The following ADAMTS2 variants were observed in gnomAD, a reference collection of about 807,000 sequenced individuals.
The protein encoded by ADAMTS2 is ADAM metallopeptidase with thrombospondin type 1 motif 2.
In ADAMTS2, 50 loss-of-function variants were observed where a neutral mutation model predicts 123.0. That is an observed-to-expected ratio of 0.41 (90% CI 0.32 to 0.51). The LOEUF is 0.51. Ranked by LOEUF, ADAMTS2 falls within the 20% of genes least tolerant of loss-of-function variation. The probability of loss-of-function intolerance (pLI) is 0.35; values close to 1 mark genes in which losing one functional copy is unlikely to be tolerated. For missense variants in ADAMTS2, 1,494 were observed against 1,705.2 expected (o/e 0.88, Z 2.18); for synonymous variants, 678 against 695.4 (o/e 0.98, Z 0.39).
In ADAMTS2 at chr5:179,308,278, A is replaced by G. The variant is rs1756731131; in HGVS notation, c.535-35214T>C. Among the ~76,000 whole-genome samples the G allele has an allele frequency of 6.6e-6, 1 of 152,200 alleles. No individual in the cohort carries two copies. Among genetic ancestry groups the G allele is most frequent in the Non-Finnish European group, 1.5e-5 (1 of 68,036 alleles). On this transcript the variant is annotated intron_variant, in intron 2 of 21. Transcript: ENST00000251582. The surrounding 1 kb of genome is among the most constrained non-coding windows in gnomAD (Gnocchi z 6.6). ...CTGACACAATTGTCTTAGCAGCAGG[A>G]GACGCTGATGGGATGTCGGGAGTCA...
intron 2 of ADAMTS2, among the ~76,000 whole-genome samples, chr5:179,283,985 A>G (rs1396947408): frequency 6.8e-6 from 1 of 147,418 alleles, no homozygotes; most frequent in African/African-American, 2.5e-5. Context: ...TATTATTATT[A>G]TTATTTTGGA....
In ADAMTS2 at chr5:179,272,817, C is replaced by T; in HGVS notation, c.688+94G>A. ...GCTCAGCCTCAGCAGCCAAGCTGGTCTGTGGAGAGCTGCCTGAGTCTCTGG... is the reference window on the plus strand; with the variant it reads ...GCTCAGCCTCAGCAGCCAAGCTGGTTTGTGGAGAGCTGCCTGAGTCTCTGG... On this transcript the variant is annotated intron_variant, in intron 3 of 21. Coordinates refer to ENST00000251582, the MANE Select transcript of ADAMTS2 (RefSeq NM_014244.5). This position sits in a 1 kb window ranked among gnomAD's most constrained non-coding sequence, Gnocchi z 5.8. The T allele has an allele frequency of 6.7e-7, 1 of 1,485,862 alleles. No individual in the cohort carries two copies. The highest frequency in any genetic ancestry group is 9.0e-7 in the Non-Finnish European group (1 of 1,105,278). The allele number at this position is 1,485,862 out of a possible 1,614,324, so 92.0% of individuals were successfully genotyped here. A position where few individuals can be genotyped will look rare whatever the true frequency, so the allele number is the denominator to read the frequency against.
At chr5:179,250,714 G>A (rs1581220311) in intron 3 of ADAMTS2, among the ~76,000 whole-genome samples, 1 of 152,362 alleles carries the variant, frequency 6.6e-6, no homozygotes, top group South Asian at 2.1e-4. Context: ...AGGCCACTGG[G>A]TTGGTCATGC....
chr5:179,313,972 ACACT>A (rs374060361), intron 2 of ADAMTS2, among the ~76,000 whole-genome samples: 1,277 of 57,408 alleles, frequency 0.022, 141 homozygotes, highest in African/African-American at 0.074. Context: ...GTGCACACAC[ACACT>A]CACACCGAGA....
intron 4 of ADAMTS2, among the ~76,000 whole-genome samples, chr5:179,196,745 C>G (rs746212286): frequency 3.3e-5 from 5 of 152,206 alleles, no homozygotes; most frequent in African/African-American, 9.6e-5. Flanking sequence ...TTCTGCACAG[C>G]CTGGTAGCAA....
chr5:179,164,099 C>T (rs1315132927), intron 5 of ADAMTS2, among the ~76,000 whole-genome samples: 1 of 152,202 alleles, frequency 6.6e-6, no homozygotes, highest in East Asian at 1.9e-4. Flanking sequence ...CCCCAGGACT[C>T]AACCTGCCAC....
At chr5:179,283,991 T>A (rs1383267386) in intron 2 of ADAMTS2, among the ~76,000 whole-genome samples, 1 of 114,218 alleles carries the variant, frequency 8.8e-6, no homozygotes, top group Non-Finnish European at 1.9e-5. Flanking sequence ...TATTATTATT[T>A]TGGAGACTCC....
At chr5:179,199,007 A>G (rs543308708) in intron 4 of ADAMTS2, among the ~76,000 whole-genome samples, 1 of 152,202 alleles carries the variant, frequency 6.6e-6, no homozygotes, top group East Asian at 1.9e-4. Flanking sequence ...AAGGCCACAG[A>G]GAACGGGAGT....
chr5:179,217,793 C>T (rs465242), intron 3 of ADAMTS2, among the ~76,000 whole-genome samples: 20 of 86,462 alleles, frequency 2.3e-4, no homozygotes, highest in African/African-American at 6.5e-4. Flanking sequence ...GGGGATGGCG[C>T]AAGGGGGGGA....
At position 179,314,766 on chromosome 5, in the gene ADAMTS2, C is replaced by T. The variant is rs549996287; in HGVS notation, c.534+29001G>A. Among the ~76,000 whole-genome samples the T allele has an allele frequency of 6.6e-6, 1 of 152,252 alleles. No homozygotes were observed. The highest frequency in any genetic ancestry group is 1.9e-4 in the East Asian group (1 of 5,162). On this transcript the variant is annotated intron_variant, in intron 2 of 21. Coordinates refer to ENST00000251582, the MANE Select transcript of ADAMTS2 (RefSeq NM_014244.5). This position sits in a 1 kb window ranked among gnomAD's most constrained non-coding sequence, Gnocchi z 4.5. ...TGGGGCTCCTGTCCCCCGCCAGTGCCCCCAACCTCTACTCCAGCAGACCTC... is the reference window on the plus strand; with the variant it reads ...TGGGGCTCCTGTCCCCCGCCAGTGCTCCCAACCTCTACTCCAGCAGACCTC...
chr5:179,124,911 A>T, intron 19 of ADAMTS2, 62 bp downstream of exon 19: 1 of 1,588,100 alleles, frequency 6.3e-7, no homozygotes, highest in Non-Finnish European at 8.5e-7. Flanking sequence ...CACGGAGCGC[A>T]CCTGCATGCC....
chr5:179,264,202 C>G (rs917912187), intron 3 of ADAMTS2, among the ~76,000 whole-genome samples: 2 of 152,192 alleles, frequency 1.3e-5, no homozygotes, highest in African/African-American at 4.8e-5. Flanking sequence ...CCCCAAGAGG[C>G]CTCTGTCTAG....
At chr5:179,315,989 T>G (rs1756979334) in intron 2 of ADAMTS2, among the ~76,000 whole-genome samples, 2 of 152,166 alleles carry the variant, frequency 1.3e-5, no homozygotes, top group Admixed American at 6.5e-5. Flanking sequence ...CATGGATGGG[T>G]TCCTAGAGGC....
intron 12 of ADAMTS2, among the ~76,000 whole-genome samples, chr5:179,136,265 C>T (rs1763065469): frequency 6.6e-6 from 1 of 152,206 alleles, no homozygotes; most frequent in Admixed American, 6.5e-5. Flanking sequence ...GAGCTTTTCC[C>T]AACCAAGCCA....
intron 5 of ADAMTS2, among the ~76,000 whole-genome samples, chr5:179,178,263 C>G (rs1048625237): frequency 2.1e-5 from 2 of 97,092 alleles, no homozygotes; most frequent in Non-Finnish European, 4.2e-5. Context: ...CCAAAGATCC[C>G]CCCCGCACCT....
At chr5:179,134,812 TCCAGCCCCCAGCTCCC>T (rs1763027660) in intron 13 of ADAMTS2, among the ~76,000 whole-genome samples, 1 of 53,402 alleles carries the variant, frequency 1.9e-5, no homozygotes, top group Non-Finnish European at 3.6e-5. Flanking sequence ...AGCTCCCGGC[TCCAGCCCCCAGCTCCC>T]GGCTCCAGCC....
chr5:179,148,827 G>A (rs1299540967), intron 10 of ADAMTS2, among the ~76,000 whole-genome samples: 1 of 152,180 alleles, frequency 6.6e-6, no homozygotes, highest in East Asian at 1.9e-4. Flanking sequence ...CCGCCACTCT[G>A]GATTCTCCCT....
chr5:179,157,762 T>C (rs1488283455), intron 6 of ADAMTS2, among the ~76,000 whole-genome samples: 3 of 152,234 alleles, frequency 2.0e-5, no homozygotes, highest in African/African-American at 7.2e-5. Flanking sequence ...AAGAGCCTGA[T>C]AAGAGTCTCC....
At chr5:179,205,088 G>A (rs1191441999) in intron 4 of ADAMTS2, among the ~76,000 whole-genome samples, 3 of 152,274 alleles carry the variant, frequency 2.0e-5, no homozygotes, top group African/African-American at 4.8e-5. Context: ...CAAAATAGGG[G>A]GTACGGCTGG....
Sources: gnomAD v4.1 joint callset for allele counts (sites outside exome capture counted in the v4.1 genomes callset) on GRCh38, gnomAD v4.1.1 for gene constraint, Gnocchi (gnomAD v3.1) non-coding constraint, MANE v1.5 for transcripts, NCBI Gene and HGNC (gene_info 2026-07-23, HGNC 2026-07-21) for gene names.